DRAXIN: variants seen among roughly 807,000 people sequenced by gnomAD.
DRAXIN encodes the protein dorsal inhibitory axon guidance protein.
A neutral mutation model predicts 33.9 loss-of-function variants in DRAXIN; 27 were observed. The ratio of observed to expected loss-of-function variants is 0.80; its 90% CI spans 0.59 to 1.10. DRAXIN has a LOEUF of 1.10. DRAXIN is among the 50% of genes least tolerant of loss of function. The probability of loss-of-function intolerance (pLI) is 0.00; values close to 1 mark genes in which losing one functional copy is unlikely to be tolerated. For synonymous variants in DRAXIN, 178 were observed against 194.0 expected (o/e 0.92, Z 0.69); for missense variants, 371 against 460.8 (o/e 0.81, Z 1.78).
rs139141149 is a variant in DRAXIN at position 11,719,712 on chromosome 1, G to A, written c.*16G>A. On this transcript the variant is annotated 3_prime_UTR_variant, in exon 7 of 7. Transcript: ENST00000294485. ...CAACGTCTAGCGGCCCCGCGGGACT[G>A]GGGACTGAGCCCAGGAGGTTTGCAC... 0.01 allele frequency: 16,127 copies of A among 1,608,332 alleles called. 115 individuals carry two copies. The highest frequency in any genetic ancestry group is 0.011 in the Non-Finnish European group (13,150 of 1,175,598).
At position 11,692,791 on chromosome 1, in the gene DRAXIN, C is replaced by T. The variant is rs927760586; in HGVS notation, c.-11+938C>T. On this transcript the variant is annotated intron_variant, in intron 1 of 6. Coordinates refer to ENST00000294485, the MANE Select transcript of DRAXIN (RefSeq NM_198545.4). This position sits in a 1 kb window ranked among gnomAD's most constrained non-coding sequence, Gnocchi z 5.8. The stretch of plus-strand genomic sequence containing the variant: ...TACTATGCATCTGGAGTCGGGTACA[C>T]TGGGGCTCTGGGAGTGATCTCGGAC... 6.6e-6 allele frequency among the ~76,000 whole-genome samples: 1 copy of T among 152,148 alleles called. No individual in the cohort carries two copies. The highest frequency in any genetic ancestry group is 1.5e-5 in the Non-Finnish European group (1 of 68,010).
chr1:11,706,732 T>C lies in DRAXIN; in HGVS notation c.451+23T>C. ...AAGGTAGCTGGAGGGCTGCGAGGGGTGGGGATGGGGGTGATTCCTGCCATG... is the reference window on the plus strand; with the variant it reads ...AAGGTAGCTGGAGGGCTGCGAGGGGCGGGGATGGGGGTGATTCCTGCCATG... On this transcript the variant is annotated intron_variant, in intron 2 of 6. Coordinates refer to ENST00000294485, the MANE Select transcript of DRAXIN (RefSeq NM_198545.4). This position sits in a 1 kb window ranked among gnomAD's most constrained non-coding sequence, Gnocchi z 5.5. 6.6e-7 allele frequency: 1 copy of C among 1,519,878 alleles called. No homozygotes were observed. The highest frequency in any genetic ancestry group is 2.4e-5 in the East Asian group (1 of 42,042). 94.1% of individuals were successfully genotyped at this position (1,519,878 alleles called of 1,614,324 possible). A position where few individuals can be genotyped will look rare whatever the true frequency, so the allele number is the denominator to read the frequency against.
intron 2 of DRAXIN, among the ~76,000 whole-genome samples, chr1:11,707,323 GC>G (rs1641399832): frequency 6.6e-6 from 1 of 152,164 alleles, no homozygotes; most frequent in South Asian, 2.1e-4. Flanking sequence ...ACAGTTCAGC[GC>G]CCTCCAAGCA....
upstream of DRAXIN, among the ~76,000 whole-genome samples, chr1:11,688,770 ATGGCTAAGGCATTCTAAGTCACAG>A (rs1435607286): frequency 6.6e-6 from 1 of 152,156 alleles, no homozygotes; most frequent in African/African-American, 2.4e-5. This position sits in a 1 kb window ranked among gnomAD's most constrained non-coding sequence, Gnocchi z 4.6. Context: ...ATATTCCCAG[ATGGCTAAGGCATTCTAAGTCACAG>A]TATGAGACAG....
At chr1:11,687,759 A>G (rs889939117), upstream of DRAXIN, among the ~76,000 whole-genome samples, 5 of 152,230 alleles carry the variant, frequency 3.3e-5, no homozygotes, top group Non-Finnish European at 5.9e-5. This position sits in a 1 kb window ranked among gnomAD's most constrained non-coding sequence, Gnocchi z 4.1. Flanking sequence ...CACTTAGCAT[A>G]ATGTTTTCAA....
Position 11,715,228 on chromosome 1 carries a change from C to G in DRAXIN, c.937+20C>G. 1 of 1,613,932 alleles carries G rather than the reference C, an allele frequency of 6.2e-7. No individual in the cohort carries two copies. The highest frequency in any genetic ancestry group is 8.5e-7 in the Non-Finnish European group (1 of 1,179,794). On this transcript the variant is annotated intron_variant, in intron 6 of 6. Transcript: ENST00000294485. ...TGGAAGGTGGGTCCAGACTCCTTTG[C>G]GGGGGGCTACCCATGCTCTGAGAAC...
At chr1:11,687,822 AAT>A (rs1175981337), upstream of DRAXIN, among the ~76,000 whole-genome samples, 1 of 152,160 alleles carries the variant, frequency 6.6e-6, no homozygotes, top group Non-Finnish European at 1.5e-5. This position sits in a 1 kb window ranked among gnomAD's most constrained non-coding sequence, Gnocchi z 4.1. Flanking sequence ...GTAGAACCAA[AAT>A]ACTCCCGTGT....
At position 11,705,542 on chromosome 1, in the gene DRAXIN, G is replaced by T. The variant is rs560201396; in HGVS notation, c.-10-707G>T. 1.3e-5 allele frequency among the ~76,000 whole-genome samples: 2 copies of T among 152,284 alleles called. No homozygotes were observed. The highest frequency in any genetic ancestry group is 4.8e-5 in the African/African-American group (2 of 41,552). ...GGCCTCAGAGCTCATCATGAGAGGA[G>T]AAGAGAAAGGCAGAGCTGGGCCATC... On this transcript the variant is annotated intron_variant, in intron 1 of 6. Transcript: ENST00000294485. The surrounding 1 kb of genome is among the most constrained non-coding windows in gnomAD (Gnocchi z 4.8).
intron 3 of DRAXIN, among the ~76,000 whole-genome samples, chr1:11,710,763 A>AC (rs1258914120): frequency 6.7e-6 from 1 of 149,776 alleles, no homozygotes; most frequent in Non-Finnish European, 1.5e-5. Flanking sequence ...AAATACAAAA[A>AC]AAAAAAAAAA....
At chr1:11,708,695 A>G (rs1255725189) in intron 2 of DRAXIN, among the ~76,000 whole-genome samples, 1 of 152,172 alleles carries the variant, frequency 6.6e-6, no homozygotes, top group Non-Finnish European at 1.5e-5. Flanking sequence ...CTGAAGGAGC[A>G]CCCACTTCCC....
Position 11,693,668 on chromosome 1 carries a change from G to A in DRAXIN, c.-11+1815G>A, listed in dbSNP as rs533693718. 1.9e-4 allele frequency among the ~76,000 whole-genome samples: 29 copies of A among 152,240 alleles called. 1 individual carries two copies. Among genetic ancestry groups the A allele is most frequent in the African/African-American group, 6.3e-4 (26 of 41,550 alleles). On this transcript the variant is annotated intron_variant, in intron 1 of 6. Coordinates refer to ENST00000294485, the MANE Select transcript of DRAXIN (RefSeq NM_198545.4). ...CCATCCAGGCTCCTGCTCGAAATCC[G>A]ACCTGGCAGACAGGCCCTACTTTGG...
At chr1:11,718,389 A>C (rs1641612799) in intron 6 of DRAXIN, among the ~76,000 whole-genome samples, 1 of 150,974 alleles carries the variant, frequency 6.6e-6, no homozygotes, top group Non-Finnish European at 1.5e-5. Flanking sequence ...GAGCCACTTA[A>C]AAAAAAATTT....
intron 1 of DRAXIN, among the ~76,000 whole-genome samples, chr1:11,702,263 ACACACC>A (rs375794134): frequency 3.3e-5 from 5 of 150,978 alleles, no homozygotes; most frequent in African/African-American, 1.2e-4. Context: ...ACATGCACAT[ACACACC>A]CATACCCATA....
At chr1:11,719,552 G>T (rs774732603) in intron 6 of DRAXIN, 32 bp from the exon 7 acceptor site, 20 of 1,573,932 alleles carry the variant, frequency 1.3e-5, no homozygotes, top group African/African-American at 2.7e-5. Flanking sequence ...GGCCCTTCGC[G>T]CCTCTGACCC....
chr1:11,712,157 G>A (rs1359300815), intron 4 of DRAXIN, among the ~76,000 whole-genome samples, 183 bp from the exon 5 acceptor site: 2 of 152,086 alleles, frequency 1.3e-5, no homozygotes, highest in Non-Finnish European at 2.9e-5. Context: ...TGCTTATCAC[G>A]TGCCACACGC....
At chr1:11,690,507 T>C (rs2100723718), upstream of DRAXIN, among the ~76,000 whole-genome samples, 1 of 152,340 alleles carries the variant, frequency 6.6e-6, no homozygotes, top group East Asian at 1.9e-4. The surrounding 1 kb of genome is among the most constrained non-coding windows in gnomAD (Gnocchi z 4.2). Context: ...GTCAGGCGAC[T>C]TGCTCGAGGT....
chr1:11,693,748 T>C (rs1389122413), intron 1 of DRAXIN, among the ~76,000 whole-genome samples: 2 of 152,162 alleles, frequency 1.3e-5, no homozygotes, highest in East Asian at 3.9e-4. Context: ...CAAAGCCAGC[T>C]CAGAGGCTTG....
rs144940006 is a variant in DRAXIN, at chr1:11,713,867, T to C, written c.848-1252T>C. On this transcript the variant is annotated intron_variant, in intron 5 of 6. Coordinates refer to ENST00000294485, the MANE Select transcript of DRAXIN (RefSeq NM_198545.4). ...CAGCCTGGCCATGAAACCCCATCTC[T>C]ACTAAAAATACAAAAATTAGCCGGG... Among the ~76,000 whole-genome samples, 3 of 152,248 alleles carry C rather than the reference T, an allele frequency of 2.0e-5. No homozygotes were observed. In the South Asian group the frequency reaches 6.2e-4, roughly 32 times the overall value.
At chr1:11,689,334 G>A (rs1047066822), upstream of DRAXIN, among the ~76,000 whole-genome samples, 1 of 147,102 alleles carries the variant, frequency 6.8e-6, no homozygotes, top group East Asian at 2.0e-4. Flanking sequence ...GCTGTAGCTC[G>A]AGCCTGTAAT....
Sources: gnomAD v4.1 joint callset for allele counts (sites outside exome capture counted in the v4.1 genomes callset) on GRCh38, gnomAD v4.1.1 for gene constraint, Gnocchi (gnomAD v3.1) non-coding constraint, MANE v1.5 for transcripts, NCBI Gene and HGNC (gene_info 2026-07-23, HGNC 2026-07-21) for gene names.